Variants in LPAR2 observed in about 807,000 individuals in gnomAD.
LPAR2 encodes the protein lysophosphatidic acid receptor 2.
LPAR2 carries 10 observed loss-of-function variants against 15.6 expected under a neutral mutation model. That is an observed-to-expected ratio of 0.64 (90% CI 0.39 to 1.09). LPAR2 has a LOEUF of 1.09. Ranked by LOEUF, LPAR2 falls within the 50% of genes least tolerant of loss-of-function variation. The pLI is 0.01. For missense variants in LPAR2, 413 were observed against 484.6 expected (o/e 0.85, Z 1.39); for synonymous variants, 204 against 207.4 (o/e 0.98, Z 0.14).
In LPAR2 at chr19:19,627,430, T is replaced by G; in HGVS notation, c.1-146A>C. 2 of 802,582 alleles carry G rather than the reference T, an allele frequency of 2.5e-6. No individual in the cohort carries two copies. The highest frequency in any genetic ancestry group is 3.9e-6 in the Non-Finnish European group (2 of 509,328). The allele number at this position is 802,582 out of a possible 1,614,324, so 49.7% of individuals were successfully genotyped here. ...AAAGTGGCAGTGGTGAGGACTACGG[T>G]GGCCTGGAAAAAGCAAGCTCCATGG... On this transcript the variant is annotated intron_variant, in intron 1 of 2. Transcript: ENST00000407877. The surrounding 1 kb of genome is among the most constrained non-coding windows in gnomAD (Gnocchi z 4.7).
Position 19,624,261 on chromosome 19 carries a change from G to A in LPAR2, c.1051C>T (p.Leu351Phe), listed in dbSNP as rs768831452. ...ACCGCTGAAGTTCAAGGTAGCTAAA[G>A]GGTGGAGTCCATCAGTGGGTGGCCG... The change falls in exon 3 of 3, where the codon CTT becomes TTT. Residue 351 changes from leucine to phenylalanine, a missense_variant. Leu to Phe is a conservative substitution (Grantham distance 22). Coordinates refer to ENST00000407877, the MANE Select transcript of LPAR2 (RefSeq NM_004720.7). 6 of 1,604,424 alleles carry A rather than the reference G, an allele frequency of 3.7e-6. No homozygotes were observed. In the South Asian group the frequency reaches 6.6e-5, roughly 18 times the overall value.
In LPAR2 at chr19:19,626,167, G is replaced by A. The variant is rs1327064826; in HGVS notation, c.742+376C>T. On this transcript the variant is annotated intron_variant, in intron 2 of 2. Transcript: ENST00000407877. This position sits in a 1 kb window ranked among gnomAD's most constrained non-coding sequence, Gnocchi z 5.3. ...CAAAGTGCTGGGATTACAGGCGTGA[G>A]CCACTGTGCCCGGCTAGCACTGCTA... Among the ~76,000 whole-genome samples, 1 of 152,094 alleles carries A rather than the reference G, an allele frequency of 6.6e-6. No individual in the cohort carries two copies. Among genetic ancestry groups the A allele is most frequent in the Non-Finnish European group, 1.5e-5 (1 of 68,018 alleles).
chr19:19,624,198 C>G lies in LPAR2; in HGVS notation c.*58G>C, dbSNP rs886872841. ...GGTTGGGTTGAGCCAGGAGCACCCA[C>G]AAGTCATCAGGGGCTGTGGATTTGT... On this transcript the variant is annotated 3_prime_UTR_variant, in exon 3 of 3. Transcript: ENST00000407877. 6.5e-7 allele frequency: 1 copy of G among 1,534,110 alleles called. No individual in the cohort carries two copies. Among genetic ancestry groups the G allele is most frequent in the African/African-American group, 1.4e-5 (1 of 73,634 alleles).
chr19:19,624,160 A>T lies in LPAR2; in HGVS notation c.*96T>A. The stretch of plus-strand genomic sequence containing the variant: ...CATGCCAGACCTTGTCCTGCCAGTC[A>T]GTCAGTCCTGTTGGTTGGGTTGAGC... On this transcript the variant is annotated 3_prime_UTR_variant, in exon 3 of 3. Coordinates refer to ENST00000407877, the MANE Select transcript of LPAR2 (RefSeq NM_004720.7). 7.9e-7 allele frequency: 1 copy of T among 1,259,360 alleles called. No individual in the cohort carries two copies. Among genetic ancestry groups the T allele is most frequent in the Non-Finnish European group, 1.1e-6 (1 of 895,822 alleles). 78.0% of individuals were successfully genotyped at this position (1,259,360 alleles called of 1,614,324 possible).
chr19:19,624,546 G>GA lies in LPAR2; in HGVS notation c.765_766insT (p.Pro256SerfsTer14), dbSNP rs1325654865. On this transcript the variant is annotated frameshift_variant, in exon 3 of 3. Transcript: ENST00000407877. LOFTEE classifies it low-confidence loss of function (END_TRUNC). Reference sequence around the variant, plus strand: ...TCCAGGAGCAGTACCACCTGGCCTGGTGTCCAGCAGACCACGAACGCCCCT... The same window carrying GA: ...TCCAGGAGCAGTACCACCTGGCCTGGATGTCCAGCAGACCACGAACGCCCCT... 3 of 1,606,124 alleles carry GA rather than the reference G, an allele frequency of 1.9e-6. No homozygotes were observed. Among genetic ancestry groups the GA allele is most frequent in the Non-Finnish European group, 1.7e-6 (2 of 1,174,646 alleles).
At position 19,623,967 on chromosome 19, in the gene LPAR2, C is replaced by T. The variant is rs1028349928; in HGVS notation, c.*289G>A. 28 of 448,928 alleles carry T rather than the reference C, an allele frequency of 6.2e-5. No individual in the cohort carries two copies. The Admixed American group carries it at 7.8e-4, about 12-fold the overall frequency. 27.8% of individuals were successfully genotyped at this position (448,928 alleles called of 1,614,324 possible). ...CAGTCCACAGGGCTTACCAAGGATA[C>T]GCAGTGAAAACAGAATAATGTCTGT... On this transcript the variant is annotated 3_prime_UTR_variant, in exon 3 of 3. Coordinates refer to ENST00000407877, the MANE Select transcript of LPAR2 (RefSeq NM_004720.7).
Position 19,627,261 on chromosome 19 carries a change from G to A in LPAR2, c.24C>T (p.Tyr8=). 3 of 1,603,404 alleles carry A rather than the reference G, an allele frequency of 1.9e-6. No homozygotes were observed. The highest frequency in any genetic ancestry group is 2.5e-6 in the Non-Finnish European group (3 of 1,179,768). ...AGAAGAAGCCGATGGTCTCGTTGTAGTAGCACTGGCCCATGATGACCATCT... is the reference window on the plus strand; with the variant it reads ...AGAAGAAGCCGATGGTCTCGTTGTAATAGCACTGGCCCATGATGACCATCT... The change falls in exon 2 of 3, where the codon TAC becomes TAT. Residue 8 remains tyrosine (Y), a synonymous_variant. Transcript: ENST00000407877. This position sits in a 1 kb window ranked among gnomAD's most constrained non-coding sequence, Gnocchi z 4.7.
At chr19:19,624,770 G>C (rs2144814143) in intron 2 of LPAR2, among the ~76,000 whole-genome samples, 1 of 151,582 alleles carries the variant, frequency 6.6e-6, no homozygotes, top group East Asian at 2.0e-4. Flanking sequence ...GGTACACAGT[G>C]GCCAAGGCAC....
chr19:19,626,915 C>A lies in LPAR2; in HGVS notation c.370G>T (p.Ala124Ser). The change falls in exon 2 of 3, where the codon GCC (alanine) becomes TCC (serine). Residue 124 changes from alanine to serine, a missense_variant. Physicochemically the swap from Ala to Ser is moderately conservative, Grantham distance 99. Transcript: ENST00000407877. The surrounding 1 kb of genome is among the most constrained non-coding windows in gnomAD (Gnocchi z 5.3). ...CTGCGGTGCCGCTCCACGGCGATGG[C>A]CAGCAGTGTGGCCACCGACGCAGTG... 1 of 1,604,200 alleles carries A rather than the reference C, an allele frequency of 6.2e-7. No individual in the cohort carries two copies. Among genetic ancestry groups the A allele is most frequent in the East Asian group, 2.3e-5 (1 of 44,212 alleles).
In LPAR2 at chr19:19,627,037, A is replaced by G. The variant is rs1231887361; in HGVS notation, c.248T>C (p.Val83Ala). ...GTGGAACATGAGGAAGAGGTAGGCC[A>G]CGCCCGCGAAGAGGTCAGCCGCGGC... Residue 83 changes from valine to alanine, a missense_variant, in exon 2 of 3, where the codon GTG (valine) becomes GCG (alanine). Val to Ala is a moderately conservative substitution (Grantham distance 64, BLOSUM62 0). Coordinates refer to ENST00000407877, the MANE Select transcript of LPAR2 (RefSeq NM_004720.7). The surrounding 1 kb of genome is among the most constrained non-coding windows in gnomAD (Gnocchi z 4.7). 6.2e-7 allele frequency: 1 copy of G among 1,613,776 alleles called. No homozygotes were observed.
rs1402413043 is a variant in LPAR2 at position 19,626,633 on chromosome 19, G to T, written c.652C>A (p.Arg218=). Reference sequence around the variant, plus strand: ...ACATGCTCTGCCATGCGCTGCACTCGCCGCCGCACGTAGAAGAAAATGCGG... The same window carrying T: ...ACATGCTCTGCCATGCGCTGCACTCTCCGCCGCACGTAGAAGAAAATGCGG... The change falls in exon 2 of 3, where the codon CGA becomes AGA. Residue 218 remains arginine, a synonymous_variant. Transcript: ENST00000407877. This position sits in a 1 kb window ranked among gnomAD's most constrained non-coding sequence, Gnocchi z 5.3. 6.2e-7 allele frequency: 1 copy of T among 1,613,336 alleles called. No homozygotes were observed. Among genetic ancestry groups the T allele is most frequent in the Non-Finnish European group, 8.5e-7 (1 of 1,180,024 alleles).
intron 2 of LPAR2, among the ~76,000 whole-genome samples, chr19:19,625,312 T>TA (rs553354847): frequency 1.5e-3 from 226 of 151,872 alleles, no homozygotes; most frequent in Middle Eastern, 0.01. Context: ...CTACAAAAAA[T>TA]AAAAAATTAG....
In LPAR2 at chr19:19,624,212, C is replaced by T; in HGVS notation, c.*44G>A. On this transcript the variant is annotated 3_prime_UTR_variant, in exon 3 of 3. Transcript: ENST00000407877. ...AGGAGCACCCACAAGTCATCAGGGG[C>T]TGTGGATTTGTTGCTTGCCGCGTAC... 6.4e-7 allele frequency: 1 copy of T among 1,552,866 alleles called. No individual in the cohort carries two copies. Among genetic ancestry groups the T allele is most frequent in the Non-Finnish European group, 8.8e-7 (1 of 1,142,664 alleles).
At chr19:19,625,014 G>A (rs1347066068) in intron 2 of LPAR2, among the ~76,000 whole-genome samples, 3 of 151,616 alleles carry the variant, frequency 2.0e-5, no homozygotes, top group Non-Finnish European at 4.4e-5. Flanking sequence ...TAGAGATGGG[G>A]TTTCACCATG....
Position 19,627,436 on chromosome 19 carries a change from G to T in LPAR2, c.1-152C>A. On this transcript the variant is annotated intron_variant, in intron 1 of 2. Transcript: ENST00000407877. This position sits in a 1 kb window ranked among gnomAD's most constrained non-coding sequence, Gnocchi z 4.7. ...GCAGTGGTGAGGACTACGGTGGCCT[G>T]GAAAAAGCAAGCTCCATGGGGCTGG... 1.4e-6 allele frequency: 1 copy of T among 730,224 alleles called. No individual in the cohort carries two copies. The highest frequency in any genetic ancestry group is 2.2e-6 in the Non-Finnish European group (1 of 445,640). 45.2% of individuals were successfully genotyped at this position (730,224 alleles called of 1,614,324 possible). A position where few individuals can be genotyped will look rare whatever the true frequency, so the allele number is the denominator to read the frequency against.
chr19:19,624,669 AGTG>A lies in LPAR2; in HGVS notation c.743-103_743-101del, dbSNP rs2061731450. On this transcript the variant is annotated intron_variant, in intron 2 of 2. Transcript: ENST00000407877. ...GAGTGGTCTCCAGAGCTCGAGCAAT[AGTG>A]GTGAAGTTTGCAGTGCAAGAGCTGC... The A allele has an allele frequency of 7.4e-6, 7 of 945,666 alleles. No individual in the cohort carries two copies. The East Asian group carries it at 1.5e-4, about 20-fold the overall frequency. The allele number at this position is 945,666 out of a possible 1,614,324, so 58.6% of individuals were successfully genotyped here. A position where few individuals can be genotyped will look rare whatever the true frequency, so the allele number is the denominator to read the frequency against.
Position 19,626,442 on chromosome 19 carries a change from T to C in LPAR2, c.742+101A>G. The C allele has an allele frequency of 7.1e-7, 1 of 1,409,162 alleles. No individual in the cohort carries two copies. The highest frequency in any genetic ancestry group is 9.7e-7 in the Non-Finnish European group (1 of 1,036,094). The allele number at this position is 1,409,162 out of a possible 1,614,324, so 87.3% of individuals were successfully genotyped here. On this transcript the variant is annotated intron_variant, in intron 2 of 2. Coordinates refer to ENST00000407877, the MANE Select transcript of LPAR2 (RefSeq NM_004720.7). The surrounding 1 kb of genome is among the most constrained non-coding windows in gnomAD (Gnocchi z 5.3). ...CATTCCCCACCTAAATCATCCCCCA[T>C]CACCCTCTATCAGGTAGCTTGTTTT...
Position 19,626,977 on chromosome 19 carries a change from C to A in LPAR2, c.308G>T (p.Gly103Val), listed in dbSNP as rs746494590. 3 of 1,612,794 alleles carry A rather than the reference C, an allele frequency of 1.9e-6. No individual in the cohort carries two copies. Among genetic ancestry groups the A allele is most frequent in the Admixed American group, 3.3e-5 (2 of 59,898 alleles). ...CAGCAAGCCCTGCCGCAGGAACCAG[C>A]CCTCAAGTGAAAGTCGGGCTGTGCG... Residue 103 changes from glycine (G) to valine (V), a missense_variant, in exon 2 of 3, where the codon GGC becomes GTC. Physicochemically the swap from Gly to Val is moderately radical, Grantham distance 109 (BLOSUM62 -3). Transcript: ENST00000407877. The surrounding 1 kb of genome is among the most constrained non-coding windows in gnomAD (Gnocchi z 5.3).
Position 19,627,540 on chromosome 19 carries a change from T to C in LPAR2, c.1-256A>G, listed in dbSNP as rs2061748611. 2.1e-6 allele frequency: 1 copy of C among 484,188 alleles called. No individual in the cohort carries two copies. The allele number at this position is 484,188 out of a possible 1,614,324, so 30.0% of individuals were successfully genotyped here. Reference sequence around the variant, plus strand: ...GACATCACCCAAGTCAATAGGTTTTTGAACCAGAAGTGAAACAAAACCCAT... The same window carrying C: ...GACATCACCCAAGTCAATAGGTTTTCGAACCAGAAGTGAAACAAAACCCAT... On this transcript the variant is annotated intron_variant, in intron 1 of 2. Coordinates refer to ENST00000407877, the MANE Select transcript of LPAR2 (RefSeq NM_004720.7). The surrounding 1 kb of genome is among the most constrained non-coding windows in gnomAD (Gnocchi z 4.7).
Sources: gnomAD v4.1 joint callset for allele counts (sites outside exome capture counted in the v4.1 genomes callset) on GRCh38, gnomAD v4.1.1 for gene constraint, Gnocchi (gnomAD v3.1) non-coding constraint, MANE v1.5 for transcripts, NCBI Gene and HGNC (gene_info 2026-07-23, HGNC 2026-07-21) for gene names.